UMAD1: variants seen among roughly 807,000 people sequenced by gnomAD.
The protein encoded by UMAD1 is UBAP1-MVB12-associated (UMA)-domain containing protein 1.
In UMAD1, 8 loss-of-function variants were observed where a neutral mutation model predicts 6.1. The ratio of observed to expected loss-of-function variants is 1.30; its 90% CI spans 0.76 to 2.35. The LOEUF (loss-of-function observed/expected upper bound fraction) is 2.35, where lower values mean the gene tolerates loss of function less well. Among genes scored for constraint, UMAD1 ranks in the 30% most tolerant of loss-of-function variants. The pLI is 0.00. For synonymous variants in UMAD1, 56 were observed against 31.4 expected, an observed-to-expected ratio of 1.78 and a Z score of -2.61; for missense variants, 130 against 78.4, an observed-to-expected ratio of 1.66 and a Z score of -2.49.
chr7:7,789,619 T>TCC (rs200939941), intron 2 of UMAD1, among the ~76,000 whole-genome samples: 38 of 146,068 alleles, frequency 2.6e-4, no homozygotes, highest in African/African-American at 1.0e-3. Flanking sequence ...ATACCCCTTC[T>TCC]CCCCTCCCCA....
At chr7:7,760,679 G>A (rs893943567) in intron 2 of UMAD1, among the ~76,000 whole-genome samples, 14 of 152,214 alleles carry the variant, frequency 9.2e-5, no homozygotes, top group Admixed American at 2.6e-4. Flanking sequence ...AAGATAGCAA[G>A]GCAGGGAAGG....
chr7:7,731,868 C>T (rs750372105), intron 2 of UMAD1, among the ~76,000 whole-genome samples: 6 of 152,100 alleles, frequency 3.9e-5, no homozygotes, highest in Non-Finnish European at 2.9e-5. Context: ...TGGACACAGA[C>T]TGGCTTTGAA....
chr7:7,779,588 A>G (rs1470132848), intron 2 of UMAD1, among the ~76,000 whole-genome samples: 4 of 152,124 alleles, frequency 2.6e-5, no homozygotes, highest in Non-Finnish European at 5.9e-5. Context: ...ATGAGCCACC[A>G]TGCCCAGCCC....
intron 2 of UMAD1, among the ~76,000 whole-genome samples, chr7:7,708,588 GT>G (rs1780667879): frequency 6.6e-6 from 1 of 152,158 alleles, no homozygotes; most frequent in Non-Finnish European, 1.5e-5. Flanking sequence ...TTAAAAATAA[GT>G]CAACATATTT....
intron 2 of UMAD1, among the ~76,000 whole-genome samples, chr7:7,778,557 A>G (rs2115250026): frequency 6.6e-6 from 1 of 152,000 alleles, no homozygotes; most frequent in South Asian, 2.1e-4. Flanking sequence ...CTAGGGCTAC[A>G]GGCGTGTGCC....
intron 2 of UMAD1, among the ~76,000 whole-genome samples, chr7:7,697,019 T>C (rs1261866699): frequency 6.6e-6 from 1 of 152,204 alleles, no homozygotes; most frequent in East Asian, 1.9e-4. Flanking sequence ...AAGGTCTGTA[T>C]AACTTCTGTC....
intron 2 of UMAD1, among the ~76,000 whole-genome samples, chr7:7,789,623 C>CCCA: frequency 6.9e-6 from 1 of 145,842 alleles, no homozygotes; most frequent in African/African-American, 2.6e-5. Flanking sequence ...CCCTTCTCCC[C>CCCA]TCCCCACAGA....
At position 7,715,609 on chromosome 7, in the gene UMAD1, A is replaced by G. The variant is rs907785319; in HGVS notation, c.82+42156A>G. Among the ~76,000 whole-genome samples, 3 of 152,226 alleles carry G rather than the reference A, an allele frequency of 2.0e-5. No individual in the cohort carries two copies. The South Asian group carries it at 6.2e-4, about 31-fold the overall frequency. Reference sequence around the variant, plus strand: ...GAGCTCTGTTTTCATTCAAATGAGGATAAAGTTTTTCAATAGCAATTATTT... The same window carrying G: ...GAGCTCTGTTTTCATTCAAATGAGGGTAAAGTTTTTCAATAGCAATTATTT... On this transcript the variant is annotated intron_variant, in intron 2 of 3. Coordinates refer to ENST00000682710, the MANE Select transcript of UMAD1 (RefSeq NM_001302348.2).
intron 2 of UMAD1, among the ~76,000 whole-genome samples, chr7:7,759,507 G>A (rs1039837707): frequency 1.3e-5 from 2 of 152,172 alleles, no homozygotes; most frequent in Admixed American, 6.5e-5. Context: ...GGGGCTTACA[G>A]CATTCTATTT....
intron 2 of UMAD1, among the ~76,000 whole-genome samples, chr7:7,766,276 A>G (rs1781984116): frequency 6.6e-6 from 1 of 152,218 alleles, no homozygotes; most frequent in Admixed American, 6.5e-5. Context: ...GGCATGCCCA[A>G]TGACATGCTA....
chr7:7,650,594 A>G (rs1191551228), intron 1 of UMAD1, among the ~76,000 whole-genome samples: 2 of 152,244 alleles, frequency 1.3e-5, no homozygotes, highest in African/African-American at 4.8e-5. Flanking sequence ...GTACACTTAA[A>G]AATTGTTTAA....
chr7:7,667,470 T>C (rs918192383), intron 1 of UMAD1, among the ~76,000 whole-genome samples: 1 of 152,174 alleles, frequency 6.6e-6, no homozygotes, highest in Admixed American at 6.5e-5. Flanking sequence ...AAATTACTCT[T>C]AATTCTGCTA....
At chr7:7,705,034 T>C (rs1233499381) in intron 2 of UMAD1, among the ~76,000 whole-genome samples, 1 of 152,188 alleles carries the variant, frequency 6.6e-6, no homozygotes, top group African/African-American at 2.4e-5. Context: ...CTTCTTGGCA[T>C]CTGTAACACA....
intron 2 of UMAD1, among the ~76,000 whole-genome samples, chr7:7,729,892 C>A (rs1781214078): frequency 6.6e-6 from 1 of 152,206 alleles, no homozygotes; most frequent in Admixed American, 6.5e-5. Context: ...TGCCACTATT[C>A]CCACTCGTTC....
chr7:7,807,211 G>C (rs1366332597), intron 3 of UMAD1, among the ~76,000 whole-genome samples: 2 of 152,136 alleles, frequency 1.3e-5, no homozygotes, highest in Non-Finnish European at 2.9e-5. Flanking sequence ...TTCGATGGAA[G>C]AAGGATATTG....
intron 2 of UMAD1, among the ~76,000 whole-genome samples, chr7:7,779,669 G>T (rs908353403): frequency 6.6e-6 from 1 of 151,864 alleles, no homozygotes; most frequent in African/African-American, 2.4e-5. Flanking sequence ...TTTTGAGACA[G>T]GGTCTCACTC....
intron 3 of UMAD1, among the ~76,000 whole-genome samples, chr7:7,854,956 C>CA (rs1353843166): frequency 6.6e-6 from 1 of 152,202 alleles, no homozygotes; most frequent in African/African-American, 2.4e-5. Context: ...AAAGGGGCTA[C>CA]AGGCCCCATG....
chr7:7,834,225 G>A (rs958398244), intron 3 of UMAD1, among the ~76,000 whole-genome samples: 2 of 151,474 alleles, frequency 1.3e-5, no homozygotes, highest in Non-Finnish European at 1.5e-5. Context: ...GTTTCACCAT[G>A]TTGGCCAGGC....
intron 2 of UMAD1, among the ~76,000 whole-genome samples, chr7:7,744,781 A>G (rs1030681087): frequency 1.3e-5 from 2 of 152,020 alleles, no homozygotes; most frequent in African/African-American, 2.4e-5. Flanking sequence ...TCTTTTTATT[A>G]TTGAATTCTA....
Sources: gnomAD v4.1 joint callset for allele counts (sites outside exome capture counted in the v4.1 genomes callset) on GRCh38, gnomAD v4.1.1 for gene constraint, MANE v1.5 for transcripts, NCBI Gene and HGNC (gene_info 2026-07-23, HGNC 2026-07-21) for gene names.